Variants in CBX3 observed in about 807,000 individuals in gnomAD.
CBX3 encodes chromobox protein homolog 3.
A neutral mutation model predicts 22.6 loss-of-function variants in CBX3; 5 were observed. The ratio of observed to expected loss-of-function variants is 0.22; its 90% confidence interval spans 0.12 to 0.47. The LOEUF (loss-of-function observed/expected upper bound fraction) is 0.47. Ranked by LOEUF, CBX3 falls within the 20% of genes least tolerant of loss-of-function variation. The pLI is 0.99. For missense variants in CBX3, 83 were observed against 208.1 expected (o/e 0.40, Z 3.70); for synonymous variants, 50 against 66.6 (o/e 0.75, Z 1.21).
At chr7:26,203,824 G>C (rs1400341845) in intron 2 of CBX3, among the ~76,000 whole-genome samples, 1 of 152,144 alleles carries the variant, frequency 6.6e-6, no homozygotes, top group Non-Finnish European at 1.5e-5. Flanking sequence ...ACTAAAAAGG[G>C]CACGTTAGTG....
At chr7:26,208,366 T>G in intron 3 of CBX3, 27 bp from the exon 4 acceptor site, 1 of 1,384,452 alleles carries the variant, frequency 7.2e-7, no homozygotes, top group Non-Finnish European at 9.8e-7. Flanking sequence ...TCAATCACCT[T>G]TTTTTTTTTT....
intron 4 of CBX3, chr7:26,209,966 T>A (rs917271226): frequency 6.6e-6 from 1 of 152,114 alleles, no homozygotes; most frequent in Non-Finnish European, 1.5e-5. Flanking sequence ...GACTACAAAT[T>A]TGGTTTTGAA....
intron 5 of CBX3, 73 bp downstream of exon 5, chr7:26,211,829 A>G (rs1384224658): frequency 8.6e-7 from 1 of 1,156,724 alleles, no homozygotes; most frequent in Non-Finnish European, 1.2e-6. Context: ...ATGGTTTTTC[A>G]TCATTAGGTA....
intron 2 of CBX3, among the ~76,000 whole-genome samples, chr7:26,204,580 A>G (rs117641933): frequency 2.6e-4 from 40 of 152,218 alleles, no homozygotes; most frequent in Non-Finnish European, 3.4e-4. Context: ...TGTGTTACCT[A>G]TATGCTTGCA....
In CBX3 at chr7:26,213,077, A is replaced by T. The variant is rs1156425757; in HGVS notation, c.*869A>T. 1.3e-5 allele frequency: 2 copies of T among 152,386 alleles called. No individual in the cohort carries two copies. The highest frequency in any genetic ancestry group is 2.9e-5 in the Non-Finnish European group (2 of 68,058). 9.4% of individuals were successfully genotyped at this position (152,386 alleles called of 1,614,324 possible). On this transcript the variant is annotated 3_prime_UTR_variant, in exon 6 of 6. Transcript: ENST00000396386. Reference sequence around the variant, plus strand: ...GAATGGAATATGTAAGACTTGGCTCATAGAAACCTAATCAGATGGTTAGAG... The same window carrying T: ...GAATGGAATATGTAAGACTTGGCTCTTAGAAACCTAATCAGATGGTTAGAG...
intron 4 of CBX3, 42 bp from the exon 5 acceptor site, chr7:26,211,620 A>G (rs368584614): frequency 3.4e-5 from 43 of 1,264,346 alleles, no homozygotes; most frequent in Non-Finnish European, 4.5e-5. Context: ...AAAACAATTT[A>G]ATACTCTGAG....
intron 1 of CBX3, 46 bp from the exon 2 acceptor site, chr7:26,202,925 T>C (rs1784582897): frequency 4.9e-6 from 6 of 1,223,952 alleles, no homozygotes; most frequent in Non-Finnish European, 7.2e-6. Context: ...TTAGTTACCT[T>C]TTTTGTGTCA....
intron 3 of CBX3, 28 bp from the exon 4 acceptor site, chr7:26,208,364 CT>C (rs376082347): frequency 0.15 from 145,157 of 967,618 alleles, 15 homozygotes; most frequent in South Asian, 0.2. Flanking sequence ...ATTCAATCAC[CT>C]TTTTTTTTTT....
At chr7:26,203,348 T>C (rs1426528049) in intron 2 of CBX3, among the ~76,000 whole-genome samples, 1 of 152,212 alleles carries the variant, frequency 6.6e-6, no homozygotes, top group Non-Finnish European at 1.5e-5. Context: ...AAAGCCCTTG[T>C]TGGTTGGCAT....
chr7:26,211,841 G>A, intron 5 of CBX3, 85 bp downstream of exon 5: 4 of 1,043,312 alleles, frequency 3.8e-6, no homozygotes, highest in East Asian at 5.1e-5. Flanking sequence ...CATTAGGTAG[G>A]GAAAAACTAT....
In CBX3 at chr7:26,211,672, C is replaced by A; in HGVS notation, c.341C>A (p.Pro114Gln). ...ATGTCTTCTAAACAGGCTGACAAAC[C>A]AAGAGGATTTGCCAGAGGTCTTGAT... ...SKKKRDAADK[P>Q]RGFARGLDPE... Residue 114 changes from proline to glutamine, a missense_variant, in exon 5 of 6, where the codon CCA becomes CAA. Around this residue, in one of 3 missense-constraint regions of CBX3, gnomAD observed 59 missense variants for 155.0 expected, o/e 0.38. Transcript: ENST00000396386. The A allele has an allele frequency of 1.2e-6, 2 of 1,605,842 alleles. No homozygotes were observed.
rs1197932025 is a variant in CBX3, at chr7:26,201,803, C to G, written c.-52C>G. On this transcript the variant is annotated 5_prime_UTR_variant, in exon 1 of 6. Transcript: ENST00000396386. ...GCCGGAGACGCTGCAGACCCGCGAC[C>G]CGGAGCAGCTCGGAGGCGGTGAAGT... The G allele has an allele frequency of 8.5e-6, 2 of 235,446 alleles. No individual in the cohort carries two copies. Among genetic ancestry groups the G allele is most frequent in the Admixed American group, 4.6e-5 (1 of 21,566 alleles). The allele number at this position is 235,446 out of a possible 1,614,324, so 14.6% of individuals were successfully genotyped here.
chr7:26,211,640 T>A (rs1425696550), intron 4 of CBX3, 22 bp from the exon 5 acceptor site: 1 of 1,513,722 alleles, frequency 6.6e-7, no homozygotes, highest in Non-Finnish European at 9.1e-7. Flanking sequence ...GTTTGCTGTA[T>A]GAAAAAATGT....
intron 3 of CBX3, chr7:26,208,036 C>G (rs6955003): frequency 0.018 from 2,825 of 155,166 alleles, 91 homozygotes; most frequent in African/African-American, 0.066. Context: ...CAAAATGAGA[C>G]CCCTTCTCTA....
chr7:26,206,585 C>T (rs1255413400), intron 3 of CBX3, 75 bp downstream of exon 3: 10 of 1,330,326 alleles, frequency 7.5e-6, no homozygotes, highest in Non-Finnish European at 1.1e-5. Flanking sequence ...TTTAACCTGG[C>T]TCTTTTACCT....
intron 1 of CBX3, chr7:26,202,442 G>A (rs1326082322): frequency 6.6e-6 from 1 of 152,490 alleles, no homozygotes; most frequent in Non-Finnish European, 1.5e-5. Flanking sequence ...GGTCGGGAGC[G>A]GGTGTTTGCA....
At chr7:26,209,262 A>G (rs1454808402) in intron 4 of CBX3, among the ~76,000 whole-genome samples, 1 of 152,096 alleles carries the variant, frequency 6.6e-6, no homozygotes, top group Non-Finnish European at 1.5e-5. Flanking sequence ...AGGCCTCTTA[A>G]TCGTATTTTA....
intron 4 of CBX3, among the ~76,000 whole-genome samples, chr7:26,209,025 G>A (rs578056443): frequency 1.0e-3 from 134 of 129,022 alleles, no homozygotes; most frequent in Non-Finnish European, 1.8e-3. Context: ...TGCAACCTCC[G>A]CCTCCAGAGT....
At chr7:26,206,061 G>A in intron 2 of CBX3, 1 of 251,012 alleles carries the variant, frequency 4.0e-6, no homozygotes, top group South Asian at 4.8e-5. Flanking sequence ...CTGCACTCCA[G>A]CCTGGGCGAC....
Sources: gnomAD v4.1 joint callset for allele counts (sites outside exome capture counted in the v4.1 genomes callset) on GRCh38, gnomAD v4.1.1 for gene constraint, gnomAD v4.1.1 regional missense constraint, MANE v1.5 for transcripts, NCBI Gene and HGNC (gene_info 2026-07-23, HGNC 2026-07-21) for gene names.